The following GRK5 variants were observed in gnomAD, a reference collection of about 807,000 sequenced individuals.
The protein encoded by GRK5 is g protein-coupled receptor kinase GRK5.
A neutral mutation model predicts 78.4 loss-of-function variants in GRK5; 40 were observed. The observed-to-expected ratio is 0.51, with a 90% CI of 0.40 to 0.66. The LOEUF is 0.66. Ranked by LOEUF, GRK5 falls within the 30% of genes least tolerant of loss-of-function variation. The pLI, the probability that GRK5 is intolerant of heterozygous loss-of-function variation, is 0.00. For synonymous variants in GRK5, 289 were observed against 296.8 expected (o/e 0.97, Z 0.27); for missense variants, 598 against 759.9 (o/e 0.79, Z 2.50).
rs1428965813 is a variant in GRK5, at chr10:119,412,794, A to G, written c.340-10372A>G. On this transcript the variant is annotated intron_variant, in intron 4 of 15. Coordinates refer to ENST00000392870, the MANE Select transcript of GRK5 (RefSeq NM_005308.3). The surrounding 1 kb of genome is among the most constrained non-coding windows in gnomAD (Gnocchi z 4.3). The stretch of plus-strand genomic sequence containing the variant: ...TTTCTCTGGTTGTGACCGTATGAGC[A>G]TGTTTAATTGCAAGCCAGGGTTTAG... Among the ~76,000 whole-genome samples the G allele has an allele frequency of 6.6e-6, 1 of 152,162 alleles. No individual in the cohort carries two copies. The highest frequency in any genetic ancestry group is 6.5e-5 in the Admixed American group (1 of 15,286).
chr10:119,424,038 C>G (rs1852624563), intron 5 of GRK5, among the ~76,000 whole-genome samples: 1 of 152,126 alleles, frequency 6.6e-6, no homozygotes, highest in Admixed American at 6.5e-5. Context: ...AACCTGCATG[C>G]ACTTTGAGGG....
intron 2 of GRK5, among the ~76,000 whole-genome samples, chr10:119,356,755 T>A (rs1851267940): frequency 1.3e-5 from 2 of 152,260 alleles, no homozygotes; most frequent in South Asian, 4.1e-4. Flanking sequence ...CCCTTCTGTA[T>A]GCTTCAGTCT....
chr10:119,291,948 C>T (rs1304635960), intron 1 of GRK5, among the ~76,000 whole-genome samples: 1 of 135,698 alleles, frequency 7.4e-6, no homozygotes, highest in Non-Finnish European at 1.6e-5. Context: ...CCTCTTTTTC[C>T]TCCTTCTCCT....
chr10:119,359,548 G>A (rs543830908), intron 2 of GRK5, among the ~76,000 whole-genome samples: 2 of 152,232 alleles, frequency 1.3e-5, no homozygotes, highest in Admixed American at 6.5e-5. Flanking sequence ...GCCTTCCTCA[G>A]AGCAAAGACC....
At position 119,275,587 on chromosome 10, in the gene GRK5, GCTCTCT is replaced by G. The variant is rs143881383; in HGVS notation, c.53-50909_53-50904del. 1.8e-3 allele frequency among the ~76,000 whole-genome samples: 231 copies of G among 130,630 alleles called. 1 individual carries two copies. The highest frequency in any genetic ancestry group is 0.012 in the Middle Eastern group (3 of 256). 85.7% of individuals were successfully genotyped at this position (130,630 alleles called of 152,430 possible). A position where few individuals can be genotyped will look rare whatever the true frequency, so the allele number is the denominator to read the frequency against. On this transcript the variant is annotated intron_variant, in intron 1 of 15. Coordinates refer to ENST00000392870, the MANE Select transcript of GRK5 (RefSeq NM_005308.3). ...CTAAGGCATGCTTGTGCGTGTGCACGCTCTCTCTCTCTCTCTCTCTCTCTCGCACAC... is the reference window on the plus strand; with the variant it reads ...CTAAGGCATGCTTGTGCGTGTGCACGCTCTCTCTCTCTCTCTCTCGCACAC...
chr10:119,310,428 G>C (rs764890689), intron 1 of GRK5, among the ~76,000 whole-genome samples: 1 of 152,192 alleles, frequency 6.6e-6, no homozygotes, highest in Non-Finnish European at 1.5e-5. Flanking sequence ...GGGCCTTGCT[G>C]AGAGAAGGGG....
intron 6 of GRK5, among the ~76,000 whole-genome samples, chr10:119,425,579 A>G (rs981342402): frequency 6.6e-6 from 1 of 152,248 alleles, no homozygotes; most frequent in African/African-American, 2.4e-5. Flanking sequence ...ACCTGATTTT[A>G]AACCGTGAGT....
intron 4 of GRK5, among the ~76,000 whole-genome samples, chr10:119,420,352 AC>A (rs58110654): frequency 0.03 from 1,318 of 44,524 alleles, 16 homozygotes; most frequent in Non-Finnish European, 0.047. Flanking sequence ...AAACAAACAA[AC>A]AAAAAAAAAA....
intron 1 of GRK5, among the ~76,000 whole-genome samples, chr10:119,313,158 GTAA>G (rs1386061668): frequency 1.3e-4 from 20 of 148,526 alleles, no homozygotes; most frequent in Non-Finnish European, 2.5e-4. Flanking sequence ...GATGGTGGTG[GTAA>G]TGGTAGTGGT....
chr10:119,300,347 G>A (rs980865989), intron 1 of GRK5, among the ~76,000 whole-genome samples: 3 of 152,190 alleles, frequency 2.0e-5, no homozygotes, highest in Non-Finnish European at 2.9e-5. Flanking sequence ...TAGCCACAAC[G>A]TTTGACCCTC....
intron 1 of GRK5, among the ~76,000 whole-genome samples, chr10:119,288,272 A>C (rs1020557781): frequency 1.4e-4 from 21 of 152,172 alleles, no homozygotes; most frequent in Non-Finnish European, 2.2e-4. Flanking sequence ...GGAGTGGCAG[A>C]AGGTCTGTGG....
intron 4 of GRK5, among the ~76,000 whole-genome samples, chr10:119,411,193 C>G (rs1416101459): frequency 6.6e-6 from 1 of 152,112 alleles, no homozygotes; most frequent in Admixed American, 6.5e-5. Flanking sequence ...CTCATGGTCA[C>G]CACCAAAGAG....
intron 4 of GRK5, among the ~76,000 whole-genome samples, chr10:119,410,805 T>C (rs1852324586): frequency 6.6e-6 from 1 of 151,458 alleles, no homozygotes; most frequent in Admixed American, 6.6e-5. Context: ...CCCTATTGCC[T>C]GGCTAAACCC....
At chr10:119,381,826 C>A (rs1298866641) in intron 3 of GRK5, among the ~76,000 whole-genome samples, 7 of 152,190 alleles carry the variant, frequency 4.6e-5, no homozygotes, top group African/African-American at 1.7e-4. Flanking sequence ...TTGGCTGCAG[C>A]CATCCCGACC....
At chr10:119,450,204 A>C (rs1240851266) in intron 13 of GRK5, among the ~76,000 whole-genome samples, 1 of 152,220 alleles carries the variant, frequency 6.6e-6, no homozygotes, top group Non-Finnish European at 1.5e-5. Context: ...GGATGTGGGC[A>C]TCCAGACTGG....
At chr10:119,282,911 C>T (rs1037277960) in intron 1 of GRK5, among the ~76,000 whole-genome samples, 23 of 152,198 alleles carry the variant, frequency 1.5e-4, no homozygotes, top group Admixed American at 4.6e-4. Context: ...CCAGTTGATG[C>T]TGTGGAGTTC....
At position 119,453,271 on chromosome 10, in the gene GRK5, C is replaced by A. The variant is rs556570876; in HGVS notation, c.1669C>A (p.Arg557=). The part of the protein sequence containing the change: ...KKGLLQRLFK[R]QHQNNSKSSP... ...AGGGCTGCTCCAGAGACTCTTCAAG[C>A]GGCAGGTGAGACACCCATGCCTGGC... The change falls in exon 15 of 16, where the codon CGG becomes AGG. Residue 557 remains arginine, a synonymous_variant. Transcript: ENST00000392870. 3.7e-6 allele frequency: 6 copies of A among 1,613,852 alleles called. No individual in the cohort carries two copies. The highest frequency in any genetic ancestry group is 5.1e-6 in the Non-Finnish European group (6 of 1,180,002).
At chr10:119,401,939 G>C (rs1296140286) in intron 4 of GRK5, among the ~76,000 whole-genome samples, 1 of 152,200 alleles carries the variant, frequency 6.6e-6, no homozygotes, top group African/African-American at 2.4e-5. Context: ...GCATCATCTG[G>C]TTAGGTCATC....
At chr10:119,415,643 G>A (rs190463754) in intron 4 of GRK5, among the ~76,000 whole-genome samples, 32 of 152,302 alleles carry the variant, frequency 2.1e-4, no homozygotes, top group Admixed American at 1.6e-3. Flanking sequence ...GAGACGCCAC[G>A]GCTGAGATTG....
Sources: allele counts gnomAD v4.1 joint callset (sites outside exome capture counted in the v4.1 genomes callset), GRCh38; gene constraint gnomAD v4.1.1; non-coding constraint Gnocchi (gnomAD v3.1); transcripts MANE v1.5; gene names NCBI Gene and HGNC (gene_info 2026-07-23, HGNC 2026-07-21).